CDH13: variants seen among roughly 807,000 people sequenced by gnomAD.
The protein encoded by CDH13 is cadherin 13.
Under a neutral mutation model 63.8 loss-of-function variants are expected in CDH13, and 24 were observed. That is an observed-to-expected ratio of 0.38 (90% confidence interval 0.27 to 0.53). The LOEUF is 0.53. Among genes scored for constraint, CDH13 ranks in the 20% least tolerant of loss-of-function variants. The probability of loss-of-function intolerance (pLI) is 0.85; values close to 1 mark genes in which losing one functional copy is unlikely to be tolerated. For synonymous variants in CDH13, 503 were observed against 355.3 expected, an observed-to-expected ratio of 1.42 and a Z score of -4.67; for missense variants, 1,049 against 903.1, an observed-to-expected ratio of 1.16 and a Z score of -2.07.
At chr16:83,057,319 T>G (rs2031052402) in intron 3 of CDH13, among the ~76,000 whole-genome samples, 1 of 152,076 alleles carries the variant, frequency 6.6e-6, no homozygotes, top group Admixed American at 6.5e-5. Context: ...GTGGTTACCT[T>G]TGAAAAGGTG....
intron 5 of CDH13, among the ~76,000 whole-genome samples, chr16:83,294,262 T>C (rs1567570415): frequency 6.6e-6 from 1 of 152,198 alleles, no homozygotes; most frequent in Non-Finnish European, 1.5e-5. Flanking sequence ...TTCACTCTTT[T>C]AGCATTTTTA....
intron 2 of CDH13, among the ~76,000 whole-genome samples, chr16:82,944,613 A>T (rs964451991): frequency 6.6e-6 from 1 of 152,174 alleles, no homozygotes; most frequent in African/African-American, 2.4e-5. Context: ...AACATCCTAC[A>T]ATATACAGGA....
intron 1 of CDH13, among the ~76,000 whole-genome samples, chr16:82,628,563 G>A (rs1010561097): frequency 6.6e-6 from 1 of 152,152 alleles, no homozygotes; most frequent in Non-Finnish European, 1.5e-5. Context: ...TGCTGAGCCC[G>A]CTCCCAAGCT....
chr16:83,022,682 A>G (rs1306500094), intron 2 of CDH13, among the ~76,000 whole-genome samples: 1 of 152,150 alleles, frequency 6.6e-6, no homozygotes, highest in Non-Finnish European at 1.5e-5. Flanking sequence ...AGAGCCTGTA[A>G]TTCTGATTCA....
intron 10 of CDH13, among the ~76,000 whole-genome samples, chr16:83,687,054 A>G (rs1904372950): frequency 6.6e-6 from 1 of 152,172 alleles, no homozygotes; most frequent in African/African-American, 2.4e-5. Context: ...TACTAAAAAT[A>G]CAAAAAAAGT....
chr16:83,065,635 G>T (rs929318854), intron 3 of CDH13, among the ~76,000 whole-genome samples: 2 of 151,066 alleles, frequency 1.3e-5, no homozygotes, highest in Non-Finnish European at 2.9e-5. Context: ...AGCCCAGGGG[G>T]CAGAGGTTGC....
intron 7 of CDH13, among the ~76,000 whole-genome samples, chr16:83,517,467 G>C (rs1305411292): frequency 6.6e-6 from 1 of 152,230 alleles, no homozygotes; most frequent in Non-Finnish European, 1.5e-5. Context: ...CCAGCTTGCA[G>C]CATGTGGAGC....
At chr16:83,078,072 T>A (rs972195929) in intron 3 of CDH13, among the ~76,000 whole-genome samples, 1 of 152,220 alleles carries the variant, frequency 6.6e-6, no homozygotes, top group Admixed American at 6.5e-5. Context: ...CCATCTGACC[T>A]GAGATGAGAG....
At chr16:83,403,201 A>G (rs560848073) in intron 6 of CDH13, among the ~76,000 whole-genome samples, 1 of 152,290 alleles carries the variant, frequency 6.6e-6, no homozygotes, top group Admixed American at 6.5e-5. Flanking sequence ...GTTTTGGAGA[A>G]AAATGGGCTC....
intron 6 of CDH13, among the ~76,000 whole-genome samples, chr16:83,452,491 A>AT (rs2072911205): frequency 6.6e-6 from 1 of 151,720 alleles, no homozygotes; most frequent in African/African-American, 2.4e-5. Flanking sequence ...GGCTTTTATG[A>AT]TTTTAGCATC....
At chr16:82,975,042 A>G (rs1031820810) in intron 2 of CDH13, among the ~76,000 whole-genome samples, 3 of 152,180 alleles carry the variant, frequency 2.0e-5, no homozygotes, top group African/African-American at 7.2e-5. Flanking sequence ...TCACGTCTGC[A>G]CACCCTCGGC....
intron 1 of CDH13, among the ~76,000 whole-genome samples, chr16:82,856,983 A>C (rs542806137): frequency 3.0e-4 from 45 of 152,294 alleles, no homozygotes; most frequent in African/African-American, 8.7e-4. Flanking sequence ...TTAATTTCCA[A>C]ACACTCTCTT....
chr16:83,525,606 T>C (rs914575320), intron 7 of CDH13, among the ~76,000 whole-genome samples: 8 of 152,208 alleles, frequency 5.3e-5, no homozygotes, highest in African/African-American at 1.4e-4. Flanking sequence ...TTCACATCCA[T>C]AGTAGGCAAG....
At chr16:83,154,622 G>A (rs775078289) in intron 4 of CDH13, among the ~76,000 whole-genome samples, 15 of 151,896 alleles carry the variant, frequency 9.9e-5, no homozygotes, top group Admixed American at 2.0e-4. Context: ...TTAGGAGGCC[G>A]TAGTGTTACT....
At position 83,336,312 on chromosome 16, in the gene CDH13, A is replaced by AAAAAAAAAAAAAG. The variant is rs1555531894; in HGVS notation, c.637-8544_637-8543insAAAAAAGAAAAAA. Among the ~76,000 whole-genome samples, 7 of 143,818 alleles carry AAAAAAAAAAAAAG rather than the reference A, an allele frequency of 4.9e-5. 1 individual carries two copies. Among genetic ancestry groups the AAAAAAAAAAAAAG allele is most frequent in the African/African-American group, 5.1e-5 (2 of 39,104 alleles). The allele number at this position is 143,818 out of a possible 152,430, so 94.4% of individuals were successfully genotyped here. ...CAAGACTCCATCTCAAAAAAAAAAA[A>AAAAAAAAAAAAAG]AAAAAAGAAATTTGGAATGAAAGCA... On this transcript the variant is annotated intron_variant, in intron 5 of 13. Coordinates refer to ENST00000567109, the MANE Select transcript of CDH13 (RefSeq NM_001257.5).
At chr16:82,824,107 G>A (rs527307715) in intron 1 of CDH13, 12 of 152,118 alleles carry the variant, frequency 7.9e-5, no homozygotes, top group African/African-American at 2.7e-4. Flanking sequence ...TGTCATTAGG[G>A]TCATGTCATT....
chr16:83,762,665 T>C (rs1030323027), intron 11 of CDH13, among the ~76,000 whole-genome samples: 9 of 152,192 alleles, frequency 5.9e-5, no homozygotes, highest in Non-Finnish European at 1.0e-4. Flanking sequence ...AAAGGCATCG[T>C]TGGCCGCTGC....
chr16:83,320,018 C>T (rs904379609), intron 5 of CDH13, among the ~76,000 whole-genome samples: 6 of 152,180 alleles, frequency 3.9e-5, no homozygotes, highest in African/African-American at 1.2e-4. Context: ...GGTCACACCT[C>T]AGTTAGACTT....
At chr16:82,632,809 C>G (rs1396933411) in intron 1 of CDH13, among the ~76,000 whole-genome samples, 1 of 152,116 alleles carries the variant, frequency 6.6e-6, no homozygotes, top group Non-Finnish European at 1.5e-5. Flanking sequence ...CTACAACTCA[C>G]TATAATTTAG....
Sources: allele counts gnomAD v4.1 joint callset (sites outside exome capture counted in the v4.1 genomes callset), GRCh38; gene constraint gnomAD v4.1.1; transcripts MANE v1.5; gene names NCBI Gene and HGNC (gene_info 2026-07-23, HGNC 2026-07-21).